ZBTB16: variants seen among roughly 807,000 people sequenced by gnomAD.
ZBTB16 encodes zinc finger and BTB domain-containing protein 16.
Under a neutral mutation model 56.8 loss-of-function variants are expected in ZBTB16, and 8 were observed. The ratio of observed to expected loss-of-function variants is 0.14; its 90% CI spans 0.08 to 0.25. ZBTB16 has a LOEUF of 0.25. Ranked by LOEUF, ZBTB16 falls within the 10% of genes least tolerant of loss-of-function variation. The pLI, the probability that ZBTB16 is intolerant of heterozygous loss-of-function variation, is 1.00. For synonymous variants in ZBTB16, 363 were observed against 368.5 expected (o/e 0.98, Z 0.17); for missense variants, 625 against 903.0 (o/e 0.69, Z 3.95).
At chr11:114,089,516 G>A (rs1159571926) in intron 2 of ZBTB16, among the ~76,000 whole-genome samples, 1 of 152,178 alleles carries the variant, frequency 6.6e-6, no homozygotes. Flanking sequence ...GATCCACGAT[G>A]TTTAATAGGT....
intron 3 of ZBTB16, among the ~76,000 whole-genome samples, chr11:114,175,557 A>T (rs561275461): frequency 4.6e-5 from 7 of 152,068 alleles, no homozygotes; most frequent in African/African-American, 1.7e-4. Flanking sequence ...CCGGGTTCAA[A>T]TGATTCTCCT....
At chr11:114,197,817 C>T (rs1280743350) in intron 4 of ZBTB16, among the ~76,000 whole-genome samples, 1 of 152,098 alleles carries the variant, frequency 6.6e-6, no homozygotes, top group Admixed American at 6.5e-5. Context: ...AACGCTCCTT[C>T]CCTCAGGATA....
chr11:114,193,376 C>T (rs1943541854), intron 4 of ZBTB16, among the ~76,000 whole-genome samples: 1 of 152,138 alleles, frequency 6.6e-6, no homozygotes, highest in Non-Finnish European at 1.5e-5. Context: ...GCGAGCTCCC[C>T]CAGCAGGGAA....
At chr11:114,069,181 G>A (rs1307752842) in intron 2 of ZBTB16, among the ~76,000 whole-genome samples, 4 of 152,176 alleles carry the variant, frequency 2.6e-5, no homozygotes, top group African/African-American at 9.6e-5. Context: ...TGCCTCCCAG[G>A]TTCACGCTAT....
intron 3 of ZBTB16, among the ~76,000 whole-genome samples, chr11:114,170,986 A>G (rs746374280): frequency 4.6e-5 from 7 of 152,210 alleles, no homozygotes; most frequent in African/African-American, 7.2e-5. Flanking sequence ...TTGGGGCCTA[A>G]TGGACATAAT....
chr11:114,247,421 A>T, intron 6 of ZBTB16, 56 bp downstream of exon 6: 1 of 1,610,378 alleles, frequency 6.2e-7, no homozygotes. Flanking sequence ...CGGAGGTGGG[A>T]AGCAGATAGT....
chr11:114,188,698 A>G (rs1046781853), intron 4 of ZBTB16: 4 of 152,236 alleles, frequency 2.6e-5, no homozygotes, highest in Admixed American at 6.5e-5. Context: ...GCTGCCTCTC[A>G]TGGAACTGAG....
At chr11:114,142,155 TGTC>T (rs1941967210) in intron 2 of ZBTB16, among the ~76,000 whole-genome samples, 1 of 152,232 alleles carries the variant, frequency 6.6e-6, no homozygotes, top group African/African-American at 2.4e-5. Context: ...ATTATGAGGT[TGTC>T]TTTGCCTATA....
At chr11:114,228,499 A>G (rs1306062820) in intron 4 of ZBTB16, among the ~76,000 whole-genome samples, 8 of 152,188 alleles carry the variant, frequency 5.3e-5, no homozygotes, top group Non-Finnish European at 1.5e-5. Flanking sequence ...TGAGTTCACC[A>G]ATCTCCTGAA....
At chr11:114,244,083 C>T (rs1294416762) in intron 5 of ZBTB16, among the ~76,000 whole-genome samples, 2 of 152,200 alleles carry the variant, frequency 1.3e-5, no homozygotes, top group Non-Finnish European at 2.9e-5. Flanking sequence ...GTGCACACCC[C>T]ACACACAATG....
intron 2 of ZBTB16, among the ~76,000 whole-genome samples, chr11:114,124,089 G>A (rs1041376972): frequency 6.6e-6 from 1 of 152,140 alleles, no homozygotes; most frequent in Non-Finnish European, 1.5e-5. Context: ...ATGGTCGGGG[G>A]TAATGGGGAG....
intron 6 of ZBTB16, among the ~76,000 whole-genome samples, chr11:114,249,621 C>T (rs527630823): frequency 1.3e-4 from 19 of 146,094 alleles, no homozygotes; most frequent in African/African-American, 4.6e-4. Flanking sequence ...AAAAATTAGC[C>T]GGGCGCGGTG....
chr11:114,159,597 T>A (rs1167166089), intron 3 of ZBTB16, among the ~76,000 whole-genome samples: 1 of 152,192 alleles, frequency 6.6e-6, no homozygotes, highest in Non-Finnish European at 1.5e-5. Flanking sequence ...GTTTGGCCAC[T>A]GTTAAACAGG....
At chr11:114,066,054 C>G (rs1360018178) in intron 2 of ZBTB16, among the ~76,000 whole-genome samples, 2 of 152,108 alleles carry the variant, frequency 1.3e-5, no homozygotes, top group African/African-American at 2.4e-5. Context: ...TTTCTGTTGT[C>G]ATTGACGACA....
intron 4 of ZBTB16, among the ~76,000 whole-genome samples, chr11:114,196,853 AC>A (rs1479748704): frequency 6.6e-6 from 1 of 152,078 alleles, no homozygotes; most frequent in Non-Finnish European, 1.5e-5. Flanking sequence ...AAAAATATAG[AC>A]CTTTTTTCCT....
chr11:114,203,528 G>C (rs1331281235), intron 4 of ZBTB16, among the ~76,000 whole-genome samples: 2 of 152,060 alleles, frequency 1.3e-5, no homozygotes, highest in Non-Finnish European at 2.9e-5. Context: ...ACTCCAGGCT[G>C]GGTAACAGAG....
intron 2 of ZBTB16, among the ~76,000 whole-genome samples, chr11:114,065,226 T>G (rs1939068536): frequency 6.6e-6 from 1 of 152,220 alleles, no homozygotes; most frequent in African/African-American, 2.4e-5. Flanking sequence ...GCCTGTGAAG[T>G]CTCATTCTTA....
chr11:114,248,841 G>A (rs1944863171), intron 6 of ZBTB16, among the ~76,000 whole-genome samples: 2 of 152,172 alleles, frequency 1.3e-5, no homozygotes, highest in South Asian at 4.1e-4. Flanking sequence ...CCTGGCAGGT[G>A]GATCATTAAC....
At chr11:114,167,248 T>C in intron 3 of ZBTB16, among the ~76,000 whole-genome samples, 1 of 142,226 alleles carries the variant, frequency 7.0e-6, no homozygotes, top group Admixed American at 7.1e-5. Context: ...TTTTTTTTTT[T>C]TTTTTGACAA....
Sources: allele counts gnomAD v4.1 joint callset (sites outside exome capture counted in the v4.1 genomes callset), GRCh38; gene constraint gnomAD v4.1.1; transcripts MANE v1.5; gene names NCBI Gene and HGNC (gene_info 2026-07-23, HGNC 2026-07-21).